Variants in SORCS3 observed in about 807,000 individuals in gnomAD.
SORCS3 encodes the protein VPS10 domain-containing receptor SorCS3.
SORCS3 carries 57 observed loss-of-function variants against 146.3 expected under a neutral mutation model. That is an observed-to-expected ratio of 0.39 (90% CI 0.31 to 0.49). The LOEUF (loss-of-function observed/expected upper bound fraction) is 0.49. SORCS3 is among the 20% of genes least tolerant of loss of function. The pLI is 0.92. For synonymous variants in SORCS3, 653 were observed against 618.5 expected, an observed-to-expected ratio of 1.06 and a Z score of -0.83; for missense variants, 1,341 against 1,575.5, an observed-to-expected ratio of 0.85 and a Z score of 2.52.
In SORCS3 at chr10:105,264,546, G is replaced by A. The variant is rs1014346063; in HGVS notation, c.*1172G>A. The A allele has an allele frequency of 1.3e-5, 2 of 152,592 alleles. No homozygotes were observed. The highest frequency in any genetic ancestry group is 2.9e-5 in the Non-Finnish European group (2 of 68,044). The allele number at this position is 152,592 out of a possible 1,614,324, so 9.5% of individuals were successfully genotyped here. A position where few individuals can be genotyped will look rare whatever the true frequency, so the allele number is the denominator to read the frequency against. ...AGAGGTTGGAAGGGAAGAGGCATTTGTGGAATTATGAGTTCATGCAAAACT... is the reference window on the plus strand; with the variant it reads ...AGAGGTTGGAAGGGAAGAGGCATTTATGGAATTATGAGTTCATGCAAAACT... On this transcript the variant is annotated 3_prime_UTR_variant, in exon 27 of 27. Coordinates refer to ENST00000369701, the MANE Select transcript of SORCS3 (RefSeq NM_014978.3).
At chr10:104,723,455 T>G (rs1475420410) in intron 1 of SORCS3, among the ~76,000 whole-genome samples, 1 of 152,112 alleles carries the variant, frequency 6.6e-6, no homozygotes, top group Non-Finnish European at 1.5e-5. Flanking sequence ...TTTATATTCT[T>G]TTGATTTGGG....
At chr10:105,204,893 T>C (rs192521301) in intron 16 of SORCS3, among the ~76,000 whole-genome samples, 6 of 152,302 alleles carry the variant, frequency 3.9e-5, no homozygotes, top group Admixed American at 3.9e-4. Context: ...AAAGATACAG[T>C]TTTTCCAACA....
intron 2 of SORCS3, among the ~76,000 whole-genome samples, chr10:104,887,972 G>GTGCC (rs1366086516): frequency 1.1e-5 from 1 of 90,752 alleles, no homozygotes; most frequent in Non-Finnish European, 2.0e-5. Context: ...GGGGGCGGGG[G>GTGCC]CGGAGCAAGC....
At position 105,184,719 on chromosome 10, in the gene SORCS3, A is replaced by G. The variant is rs537008616; in HGVS notation, c.2009+6546A>G. On this transcript the variant is annotated intron_variant, in intron 14 of 26. Transcript: ENST00000369701. ...TATACATTTTGATGAGTTTGGATGT[A>G]TATGTACAACCATGACCATCACCAC... 2.0e-5 allele frequency among the ~76,000 whole-genome samples: 3 copies of G among 152,370 alleles called. No homozygotes were observed. The South Asian group carries it at 6.2e-4, about 32-fold the overall frequency.
intron 9 of SORCS3, 30 bp downstream of exon 9, chr10:105,147,826 GTC>G (rs759000012): frequency 3.1e-6 from 5 of 1,589,074 alleles, no homozygotes; most frequent in Non-Finnish European, 4.3e-6. Context: ...CTTCCCTTGG[GTC>G]TGTCTCTCTT....
intron 1 of SORCS3, among the ~76,000 whole-genome samples, chr10:104,799,383 T>C (rs1033560678): frequency 2.6e-5 from 4 of 152,222 alleles, no homozygotes; most frequent in Non-Finnish European, 5.9e-5. Context: ...GATGAGTTCA[T>C]GTCCTTTGCA....
chr10:104,786,158 C>T (rs575124082), intron 1 of SORCS3, among the ~76,000 whole-genome samples: 2 of 151,530 alleles, frequency 1.3e-5, no homozygotes, highest in Non-Finnish European at 2.9e-5. Context: ...TTATTTAGCG[C>T]TTATTTAGTT....
intron 1 of SORCS3, among the ~76,000 whole-genome samples, chr10:104,783,365 G>A (rs1349343974): frequency 6.6e-6 from 1 of 152,164 alleles, no homozygotes; most frequent in Admixed American, 6.5e-5. Context: ...GTTTGCTGAT[G>A]GTGATTTAGA....
At position 105,157,261 on chromosome 10, in the gene SORCS3, G is replaced by A; in HGVS notation, c.1606G>A (p.Gly536Arg). The change falls in exon 10 of 27, where the codon GGA becomes AGA. Residue 536 changes from glycine to arginine, a missense_variant. Physicochemically the swap from Gly to Arg is moderately radical, Grantham distance 125. Coordinates refer to ENST00000369701, the MANE Select transcript of SORCS3 (RefSeq NM_014978.3). ...LLQAPDVDLR[G>R]SPVHCLLPFC... ...GCAAGCTCCGGATGTGGACCTGAGA[G>A]GAAGCCCAGTGCACTGCCTGCTGGT... 1 of 1,614,052 alleles carries A rather than the reference G, an allele frequency of 6.2e-7. No homozygotes were observed. Among genetic ancestry groups the A allele is most frequent in the South Asian group, 1.1e-5 (1 of 91,070 alleles).
rs57597161 is a variant in SORCS3, at chr10:105,025,837, AACACACACACACAC to A, written c.955-17187_955-17174del. On this transcript the variant is annotated intron_variant, in intron 4 of 26. Transcript: ENST00000369701. ...ACTGCTTTATAATTATGTCTTCTCA[AACACACACACACAC>A]ACACACACACACACACACACACACA... Among the ~76,000 whole-genome samples, 391 of 135,502 alleles carry A rather than the reference AACACACACACACAC, an allele frequency of 2.9e-3. 3 individuals are homozygous for A. The highest frequency in any genetic ancestry group is 9.8e-3 in the African/African-American group (351 of 35,834). The allele number at this position is 135,502 out of a possible 152,430, so 88.9% of individuals were successfully genotyped here. A position where few individuals can be genotyped will look rare whatever the true frequency, so the allele number is the denominator to read the frequency against.
intron 5 of SORCS3, among the ~76,000 whole-genome samples, chr10:105,072,765 T>C (rs751675526): frequency 2.0e-5 from 3 of 150,182 alleles, no homozygotes; most frequent in Non-Finnish European, 4.4e-5. Flanking sequence ...CGTAGCCAGA[T>C]GATGTGTCTA....
At chr10:105,258,684 A>G (rs151013356) in intron 25 of SORCS3, among the ~76,000 whole-genome samples, 57 of 152,318 alleles carry the variant, frequency 3.7e-4, no homozygotes, top group African/African-American at 1.3e-3. Flanking sequence ...TAGACGGTCA[A>G]CTTACTAATG....
At chr10:104,809,004 G>A (rs2017711576) in intron 1 of SORCS3, among the ~76,000 whole-genome samples, 2 of 152,110 alleles carry the variant, frequency 1.3e-5, no homozygotes, top group South Asian at 4.1e-4. Flanking sequence ...GAGAAAGCAA[G>A]GAAAGATTTA....
intron 19 of SORCS3, among the ~76,000 whole-genome samples, chr10:105,219,022 A>T (rs7068682): frequency 0.11 from 16,625 of 152,006 alleles, 1,047 homozygotes; most frequent in South Asian, 0.2. Context: ...CTCAAAAAAA[A>T]ATATATATAT....
chr10:104,749,226 G>GGTGTGT lies in SORCS3; in HGVS notation c.628-93529_628-93524dup, dbSNP rs60550253. On this transcript the variant is annotated intron_variant, in intron 1 of 26. Transcript: ENST00000369701. The stretch of plus-strand genomic sequence containing the variant: ...GTACCTTGTTCTGTGCAAAGTATAG[G>GGTGTGT]GTGTGTGTGTGTGTGTGTGTGTGTG... 3.3e-3 allele frequency among the ~76,000 whole-genome samples: 465 copies of GGTGTGT among 140,990 alleles called. 10 individuals carry two copies. The East Asian group carries it at 0.041, about 12-fold the overall frequency. The allele number at this position is 140,990 out of a possible 152,430, so 92.5% of individuals were successfully genotyped here.
chr10:104,675,513 T>C (rs1021693429), intron 1 of SORCS3, among the ~76,000 whole-genome samples: 1 of 152,222 alleles, frequency 6.6e-6, no homozygotes, highest in African/African-American at 2.4e-5. Flanking sequence ...ATTGTTTTAA[T>C]GTTCACATTT....
At chr10:104,792,542 G>A (rs1328939448) in intron 1 of SORCS3, among the ~76,000 whole-genome samples, 1 of 152,184 alleles carries the variant, frequency 6.6e-6, no homozygotes, top group African/African-American at 2.4e-5. Flanking sequence ...CATAGCGCTT[G>A]CACTATTTCT....
At chr10:104,745,556 T>A (rs1210060342) in intron 1 of SORCS3, among the ~76,000 whole-genome samples, 1 of 152,182 alleles carries the variant, frequency 6.6e-6, no homozygotes, top group Non-Finnish European at 1.5e-5. Context: ...CCTGCCCTTT[T>A]TATTAGTTAT....
At chr10:104,717,447 G>A (rs992458902) in intron 1 of SORCS3, among the ~76,000 whole-genome samples, 3 of 151,914 alleles carry the variant, frequency 2.0e-5, no homozygotes, top group Admixed American at 6.6e-5. Flanking sequence ...TTCCAGTCCC[G>A]GACACCTAGA....
Sources: allele counts gnomAD v4.1 joint callset (sites outside exome capture counted in the v4.1 genomes callset), GRCh38; gene constraint gnomAD v4.1.1; transcripts MANE v1.5; gene names NCBI Gene and HGNC (gene_info 2026-07-23, HGNC 2026-07-21).